TMEM132C: variants seen among roughly 807,000 people sequenced by gnomAD.
TMEM132C encodes the protein protein phosphatase 1, regulatory subunit 152.
TMEM132C carries 29 observed loss-of-function variants against 61.4 expected under a neutral mutation model. The observed-to-expected ratio is 0.47, with a 90% CI of 0.35 to 0.64. The LOEUF (loss-of-function observed/expected upper bound fraction) is 0.64. Ranked by LOEUF, TMEM132C falls within the 30% of genes least tolerant of loss-of-function variation. The pLI is 0.00. For synonymous variants in TMEM132C, 656 were observed against 633.1 expected (o/e 1.04, Z -0.54); for missense variants, 1,408 against 1,476.9 (o/e 0.95, Z 0.76).
chr12:128,606,325 G>T (rs1285368656), intron 3 of TMEM132C, among the ~76,000 whole-genome samples: 2 of 152,212 alleles, frequency 1.3e-5, no homozygotes, highest in African/African-American at 4.8e-5. Context: ...TGTGGCCAGG[G>T]GTTCCCTGGA....
At chr12:128,475,861 G>T (rs1266112643) in intron 2 of TMEM132C, among the ~76,000 whole-genome samples, 1 of 152,112 alleles carries the variant, frequency 6.6e-6, no homozygotes, top group Non-Finnish European at 1.5e-5. Context: ...GGAAGCTGAC[G>T]CCCTGCCTGC....
At chr12:128,350,616 G>T (rs1263737005) in intron 1 of TMEM132C, among the ~76,000 whole-genome samples, 2 of 152,008 alleles carry the variant, frequency 1.3e-5, no homozygotes, top group African/African-American at 4.8e-5. Context: ...GAAAGGGGTG[G>T]GGGATGCATC....
intron 4 of TMEM132C, among the ~76,000 whole-genome samples, chr12:128,628,786 C>T (rs1954041670): frequency 6.6e-6 from 1 of 152,190 alleles, no homozygotes; most frequent in African/African-American, 2.4e-5. Context: ...CCAAGCACAG[C>T]TCCTTCCTCA....
chr12:128,407,403 T>C (rs1875382824), intron 1 of TMEM132C, among the ~76,000 whole-genome samples: 1 of 152,230 alleles, frequency 6.6e-6, no homozygotes, highest in Non-Finnish European at 1.5e-5. Flanking sequence ...GAAAGTGGAC[T>C]AATCATACGG....
intron 5 of TMEM132C, among the ~76,000 whole-genome samples, chr12:128,692,414 G>A (rs1954727075): frequency 6.6e-6 from 1 of 152,242 alleles, no homozygotes; most frequent in Non-Finnish European, 1.5e-5. Context: ...AGTTTAAGAG[G>A]TGATATGGAC....
At chr12:128,424,046 CAAAAAAA>C (rs144980387) in intron 2 of TMEM132C, among the ~76,000 whole-genome samples, 10 of 72,782 alleles carry the variant, frequency 1.4e-4, no homozygotes, top group Admixed American at 5.5e-4. Flanking sequence ...GACTCTGTCT[CAAAAAAA>C]AAAAAAAAAA....
intron 2 of TMEM132C, among the ~76,000 whole-genome samples, chr12:128,525,393 T>C (rs1334919302): frequency 2.0e-5 from 3 of 152,066 alleles, no homozygotes; most frequent in African/African-American, 7.2e-5. Flanking sequence ...AAGAATATAA[T>C]GTTAATAGCT....
chr12:128,647,067 A>C (rs575668812), intron 4 of TMEM132C, among the ~76,000 whole-genome samples: 2 of 149,048 alleles, frequency 1.3e-5, no homozygotes, highest in Non-Finnish European at 3.0e-5. Flanking sequence ...TCAGCGTTGG[A>C]TGTGAGTGTG....
In TMEM132C at chr12:128,643,535, C is replaced by A. The variant is rs185225048; in HGVS notation, c.1306-25882C>A. Among the ~76,000 whole-genome samples the A allele has an allele frequency of 1.2e-3, 178 of 151,996 alleles. 1 individual carries two copies. The highest frequency in any genetic ancestry group is 6.8e-3 in the Middle Eastern group (2 of 294). On this transcript the variant is annotated intron_variant, in intron 4 of 8. Transcript: ENST00000435159. Reference sequence around the variant, plus strand: ...GTCACATGCTCAGCTGACAGCATCACACACGTCCATTTGGGGCCCCAAAAA... The same window carrying A: ...GTCACATGCTCAGCTGACAGCATCAAACACGTCCATTTGGGGCCCCAAAAA...
intron 2 of TMEM132C, 116 bp from the exon 3 acceptor site, chr12:128,543,841 G>GA: frequency 7.2e-7 from 1 of 1,385,850 alleles, no homozygotes; most frequent in South Asian, 1.5e-5. Flanking sequence ...CACTAGATAT[G>GA]AAAAAAGTGG....
rs187656499 is a variant in TMEM132C, at chr12:128,411,392, C to T, written c.86-3340C>T. 1.2e-3 allele frequency among the ~76,000 whole-genome samples: 186 copies of T among 152,296 alleles called. 1 individual carries two copies. Among genetic ancestry groups the T allele is most frequent in the African/African-American group, 1.7e-3 (71 of 41,562 alleles). On this transcript the variant is annotated intron_variant, in intron 1 of 8. Coordinates refer to ENST00000435159, the MANE Select transcript of TMEM132C (RefSeq NM_001136103.3). ...GGATCATATCATAAGGAAAAACTGT[C>T]GCTTCGATCTGACTTTATGACAGTA...
intron 2 of TMEM132C, among the ~76,000 whole-genome samples, chr12:128,458,022 C>T (rs148354503): frequency 6.6e-6 from 1 of 152,062 alleles, no homozygotes; most frequent in East Asian, 1.9e-4. Context: ...AATTTTAGTT[C>T]AACAATTTGT....
chr12:128,371,286 A>G (rs956898482), intron 1 of TMEM132C, among the ~76,000 whole-genome samples: 12 of 152,060 alleles, frequency 7.9e-5, no homozygotes, highest in African/African-American at 2.9e-4. Flanking sequence ...TTTCTTTTTA[A>G]TTCTCTGTCA....
chr12:128,605,086 AGATG>A (rs1468342077), intron 3 of TMEM132C, among the ~76,000 whole-genome samples: 31 of 149,478 alleles, frequency 2.1e-4, no homozygotes, highest in Admixed American at 1.6e-3. Flanking sequence ...ATGGATAGGT[AGATG>A]GATGGATGAA....
intron 1 of TMEM132C, among the ~76,000 whole-genome samples, chr12:128,321,131 T>G (rs1446847609): frequency 7.8e-6 from 1 of 128,654 alleles, no homozygotes; most frequent in Non-Finnish European, 1.6e-5. Context: ...AGGCTGCCAT[T>G]TTTGAAAAAT....
At chr12:128,414,697 T>C (rs1868691693) in intron 1 of TMEM132C, 35 bp from the exon 2 acceptor site, 1 of 1,481,234 alleles carries the variant, frequency 6.8e-7, no homozygotes, top group African/African-American at 1.4e-5. Context: ...AATCCTGTCT[T>C]TGTCTTTTTC....
chr12:128,600,481 A>G lies in TMEM132C; in HGVS notation c.1122-15671A>G, dbSNP rs373573371. Among the ~76,000 whole-genome samples the G allele has an allele frequency of 2.5e-4, 38 of 152,292 alleles. No homozygotes were observed. The East Asian group carries it at 6.6e-3, about 26-fold the overall frequency. On this transcript the variant is annotated intron_variant, in intron 3 of 8. Transcript: ENST00000435159. ...CAGTCTTGGGTATGTCTTTATTAAT[A>G]CAGACTCATACCCCTAATACAAAGG... is the stretch of plus-strand genomic sequence containing the variant.
At chr12:128,534,806 A>G (rs11059741) in intron 2 of TMEM132C, among the ~76,000 whole-genome samples, 76,419 of 152,186 alleles carry the variant, frequency 0.5, 22,000 homozygotes, top group Non-Finnish European at 0.65. Flanking sequence ...AAACCTATGC[A>G]TTTCTCCCAT....
chr12:128,457,071 G>A (rs1870370836), intron 2 of TMEM132C, among the ~76,000 whole-genome samples: 1 of 152,032 alleles, frequency 6.6e-6, no homozygotes, highest in African/African-American at 2.4e-5. Flanking sequence ...TCCAGTTTGG[G>A]CTATTATGCA....
Sources: gnomAD v4.1 joint callset for allele counts (sites outside exome capture counted in the v4.1 genomes callset) on GRCh38, gnomAD v4.1.1 for gene constraint, MANE v1.5 for transcripts, NCBI Gene and HGNC (gene_info 2026-07-23, HGNC 2026-07-21) for gene names.